PDXK: variants seen among roughly 807,000 people sequenced by gnomAD.
The protein encoded by PDXK is epididymis secretory sperm binding protein Li 1a.
A neutral mutation model predicts 43.2 loss-of-function variants in PDXK; 15 were observed. That is an observed-to-expected ratio of 0.35 (90% CI 0.23 to 0.53). The LOEUF (loss-of-function observed/expected upper bound fraction) is 0.53. Among genes scored for constraint, PDXK ranks in the 20% least tolerant of loss-of-function variants. The probability of loss-of-function intolerance (pLI) is 0.92; values close to 1 mark genes in which losing one functional copy is unlikely to be tolerated. For missense variants in PDXK, 343 were observed against 417.0 expected (o/e 0.82, Z 1.54); for synonymous variants, 172 against 165.4 (o/e 1.04, Z -0.31).
chr21:43,729,206 T>C (rs1031975559), intron 1 of PDXK, among the ~76,000 whole-genome samples: 1 of 152,238 alleles, frequency 6.6e-6, no homozygotes, highest in Non-Finnish European at 1.5e-5. Context: ...TCCTTCAGAC[T>C]TCCCAGCGGA....
At chr21:43,753,069 G>C (rs993843527) in intron 8 of PDXK, among the ~76,000 whole-genome samples, 10 of 152,164 alleles carry the variant, frequency 6.6e-5, no homozygotes, top group Non-Finnish European at 1.3e-4. Context: ...GCCGCTCTAT[G>C]TTTGGACATG....
In PDXK at chr21:43,757,563, G is replaced by T. The variant is rs1186323729; in HGVS notation, c.*1500G>T. On this transcript the variant is annotated 3_prime_UTR_variant, in exon 11 of 11. Coordinates refer to ENST00000291565, the MANE Select transcript of PDXK (RefSeq NM_003681.5). ...CTCGCTTGCCAGGAGTGCGTTCTTT[G>T]TTGAAAAATGCCCTGAAGCGAAAAG... The T allele has an allele frequency of 1.4e-4, 22 of 152,194 alleles. No homozygotes were observed. Among genetic ancestry groups the T allele is most frequent in the Non-Finnish European group, 4.4e-5 (3 of 68,046 alleles). The allele number at this position is 152,194 out of a possible 1,614,324, so 9.4% of individuals were successfully genotyped here.
intron 5 of PDXK, 101 bp downstream of exon 5, chr21:43,746,226 A>T (rs2083636287): frequency 1.1e-6 from 1 of 943,262 alleles, no homozygotes; most frequent in Admixed American, 1.8e-5. Flanking sequence ...ACTCGGTGGG[A>T]CTCCTCTGTC....
intron 1 of PDXK, among the ~76,000 whole-genome samples, chr21:43,728,300 G>A (rs1164039603): frequency 6.6e-6 from 1 of 152,176 alleles, no homozygotes; most frequent in Non-Finnish European, 1.5e-5. Flanking sequence ...GGTTGATCAG[G>A]GTGAAGCAGT....
intron 7 of PDXK, among the ~76,000 whole-genome samples, chr21:43,751,227 A>G (rs2147307050): frequency 6.6e-6 from 1 of 152,280 alleles, no homozygotes; most frequent in East Asian, 1.9e-4. Flanking sequence ...GCTGTGACAA[A>G]ATGCCTGAGA....
Position 43,732,030 on chromosome 21 carries a change from T to G in PDXK, c.88-2039T>G, listed in dbSNP as rs990027932. On this transcript the variant is annotated intron_variant, in intron 1 of 10. Transcript: ENST00000291565. The surrounding 1 kb of genome is among the most constrained non-coding windows in gnomAD (Gnocchi z 4.1). ...TGCTGGTGGAGGGAAAGCCACAAAG[T>G]GGATTCCGCTGCTGCTATGGGAAGG... 2 of 499,998 alleles carry G rather than the reference T, an allele frequency of 4.0e-6. No homozygotes were observed. The highest frequency in any genetic ancestry group is 4.1e-5 in the African/African-American group (2 of 49,248). 31.0% of individuals were successfully genotyped at this position (499,998 alleles called of 1,614,324 possible).
chr21:43,749,538 C>T (rs2083698027), intron 6 of PDXK, among the ~76,000 whole-genome samples: 1 of 152,274 alleles, frequency 6.6e-6, no homozygotes, highest in Non-Finnish European at 1.5e-5. Context: ...GAAGGTCCTG[C>T]CATGGGGCGA....
intron 6 of PDXK, among the ~76,000 whole-genome samples, 177 bp from the exon 7 acceptor site, chr21:43,750,323 T>C (rs948424820): frequency 3.3e-5 from 5 of 152,370 alleles, no homozygotes; most frequent in Non-Finnish European, 5.9e-5. Flanking sequence ...GGGTCCCCTT[T>C]AGAACCAAAC....
At chr21:43,752,895 C>T (rs2083778331) in intron 8 of PDXK, among the ~76,000 whole-genome samples, 1 of 152,166 alleles carries the variant, frequency 6.6e-6, no homozygotes, top group Non-Finnish European at 1.5e-5. Context: ...CCTGAGTTCA[C>T]TGGGAGGACG....
chr21:43,725,078 C>T (rs1317485331), intron 1 of PDXK, among the ~76,000 whole-genome samples: 1 of 152,140 alleles, frequency 6.6e-6, no homozygotes, highest in Non-Finnish European at 1.5e-5. Flanking sequence ...AATCCCAGCA[C>T]TTTGGGAGGC....
In PDXK at chr21:43,758,012, G is replaced by C. The variant is rs1241881749; in HGVS notation, c.*1949G>C. On this transcript the variant is annotated 3_prime_UTR_variant, in exon 11 of 11. Transcript: ENST00000291565. The stretch of plus-strand genomic sequence containing the variant: ...TTTTTTTTTTTTTTTTAAACACCAA[G>C]AGCACGTATAGCATGGGGGAAAGAA... 2 of 150,968 alleles carry C rather than the reference G, an allele frequency of 1.3e-5. No homozygotes were observed. The highest frequency in any genetic ancestry group is 3.9e-4 in the East Asian group (2 of 5,130). The allele number at this position is 150,968 out of a possible 1,614,324, so 9.4% of individuals were successfully genotyped here.
In PDXK at chr21:43,756,086, C is replaced by T. The variant is rs769225659; in HGVS notation, c.*23C>T. On this transcript the variant is annotated 3_prime_UTR_variant, in exon 11 of 11. Coordinates refer to ENST00000291565, the MANE Select transcript of PDXK (RefSeq NM_003681.5). ...TGAGGGCCCCGCCGCTTGCCCGTGACACGCAGCGCGTTGGTGTCTCCGTGT... is the reference window on the plus strand; with the variant it reads ...TGAGGGCCCCGCCGCTTGCCCGTGATACGCAGCGCGTTGGTGTCTCCGTGT... 1.5e-6 allele frequency: 2 copies of T among 1,375,934 alleles called. No individual in the cohort carries two copies. The highest frequency in any genetic ancestry group is 1.2e-5 in the South Asian group (1 of 84,060). The allele number at this position is 1,375,934 out of a possible 1,614,324, so 85.2% of individuals were successfully genotyped here.
At chr21:43,750,436 A>C (rs2083714689) in intron 6 of PDXK, 64 bp from the exon 7 acceptor site, 3 of 1,434,704 alleles carry the variant, frequency 2.1e-6, no homozygotes, top group South Asian at 2.4e-5. Flanking sequence ...GGGGAATGTC[A>C]ACACACAACC....
chr21:43,719,535 C>A, intron 1 of PDXK, 154 bp downstream of exon 1: 12 of 951,778 alleles, frequency 1.3e-5, no homozygotes, highest in Non-Finnish European at 1.5e-5. Flanking sequence ...ATGAGCCTCC[C>A]GCTCTGCTTG....
In PDXK at chr21:43,732,615, C is replaced by G. The variant is rs1042725473; in HGVS notation, c.88-1454C>G. The G allele has an allele frequency of 1.3e-6, 1 of 791,704 alleles. No homozygotes were observed. The highest frequency in any genetic ancestry group is 2.3e-6 in the Non-Finnish European group (1 of 428,996). The allele number at this position is 791,704 out of a possible 1,614,324, so 49.0% of individuals were successfully genotyped here. ...TTGGCAGGATTTTCAGGATTTGTGT[C>G]ATCGTTGCTTAATATCTGTTTCTTC... On this transcript the variant is annotated intron_variant, in intron 1 of 10. Coordinates refer to ENST00000291565, the MANE Select transcript of PDXK (RefSeq NM_003681.5). This position sits in a 1 kb window ranked among gnomAD's most constrained non-coding sequence, Gnocchi z 4.1.
Position 43,734,159 on chromosome 21 carries a change from A to T in PDXK, c.142+36A>T, listed in dbSNP as rs991034410. 6.3e-7 allele frequency: 1 copy of T among 1,595,818 alleles called. No individual in the cohort carries two copies. The highest frequency in any genetic ancestry group is 1.3e-5 in the African/African-American group (1 of 74,368). On this transcript the variant is annotated intron_variant, in intron 2 of 10. Transcript: ENST00000291565. This position sits in a 1 kb window ranked among gnomAD's most constrained non-coding sequence, Gnocchi z 5.0. ...GGCTCCAGCAGCTGGCATAGAGCAG[A>T]CTGTGGGTGTGAGGGACGGGGCGGA...
intron 2 of PDXK, chr21:43,736,860 T>C (rs2083412114): frequency 5.8e-6 from 4 of 692,986 alleles, no homozygotes; most frequent in African/African-American, 1.8e-5. Flanking sequence ...CTTGAACTCC[T>C]TGGGCTCAAG....
rs553170518 is a variant in PDXK at position 43,741,630 on chromosome 21, C to G, written c.143-37C>G. 4.4e-6 allele frequency: 7 copies of G among 1,601,524 alleles called. No homozygotes were observed. The South Asian group carries it at 7.7e-5, about 18-fold the overall frequency. Reference sequence around the variant, plus strand: ...GAAGCCCACGGCCCCAGCTGGCCCCCTTGTGTCTGAGCCCCCATGGCTTCC... The same window carrying G: ...GAAGCCCACGGCCCCAGCTGGCCCCGTTGTGTCTGAGCCCCCATGGCTTCC... On this transcript the variant is annotated intron_variant, in intron 2 of 10. Transcript: ENST00000291565.
chr21:43,734,335 G>GTTGACTCAGCT lies in PDXK; in HGVS notation c.142+214_142+224dup. 6.6e-6 allele frequency among the ~76,000 whole-genome samples: 1 copy of GTTGACTCAGCT among 152,254 alleles called. No individual in the cohort carries two copies. The highest frequency in any genetic ancestry group is 2.4e-5 in the African/African-American group (1 of 41,542). On this transcript the variant is annotated intron_variant, in intron 2 of 10. Transcript: ENST00000291565. This position sits in a 1 kb window ranked among gnomAD's most constrained non-coding sequence, Gnocchi z 5.0. ...TGGCCTCGCCTCTGAGAGGGGTTGT[G>GTTGACTCAGCT]TTGACTCAGCTTGGCTGCTTTGAGG...
Sources: allele counts gnomAD v4.1 joint callset (sites outside exome capture counted in the v4.1 genomes callset), GRCh38; gene constraint gnomAD v4.1.1; non-coding constraint Gnocchi (gnomAD v3.1); transcripts MANE v1.5; gene names NCBI Gene and HGNC (gene_info 2026-07-23, HGNC 2026-07-21).